Variants in MSH3 observed in about 807,000 individuals in gnomAD.
MSH3 encodes the protein mutS homolog 3.
MSH3 carries 106 observed loss-of-function variants against 123.3 expected under a neutral mutation model. That is an observed-to-expected ratio of 0.86 (90% confidence interval 0.73 to 1.01). The LOEUF is 1.01. Ranked by LOEUF, MSH3 falls within the 50% of genes least tolerant of loss-of-function variation. The pLI is 0.00. For missense variants in MSH3, 1,459 were observed against 1,347.6 expected (o/e 1.08, Z -1.29); for synonymous variants, 515 against 481.4 (o/e 1.07, Z -0.91).
intron 19 of MSH3, among the ~76,000 whole-genome samples, chr5:80,807,992 C>T (rs1023892925): frequency 6.6e-6 from 1 of 152,072 alleles, no homozygotes; most frequent in Admixed American, 6.6e-5. Flanking sequence ...ATTTGAGGAC[C>T]TGCTGTATTT....
intron 8 of MSH3, 97 bp downstream of exon 8, chr5:80,679,190 T>G (rs544144110): frequency 1.6e-6 from 2 of 1,287,348 alleles, no homozygotes; most frequent in Non-Finnish European, 2.2e-6. Context: ...TAGTTTTTAC[T>G]TACAAAAATT....
intron 19 of MSH3, among the ~76,000 whole-genome samples, chr5:80,801,236 T>C (rs899174004): frequency 6.6e-6 from 1 of 152,140 alleles, no homozygotes; most frequent in Non-Finnish European, 1.5e-5. Context: ...GGCTGCCCTA[T>C]GGAGAGTGGA....
At chr5:80,804,471 C>T (rs1744848352) in intron 19 of MSH3, among the ~76,000 whole-genome samples, 1 of 152,246 alleles carries the variant, frequency 6.6e-6, no homozygotes, top group African/African-American at 2.4e-5. Context: ...GTGGTCACTG[C>T]AGCTATGTCT....
chr5:80,831,076 A>G (rs937998103), intron 20 of MSH3, among the ~76,000 whole-genome samples: 2 of 152,218 alleles, frequency 1.3e-5, no homozygotes, highest in Non-Finnish European at 2.9e-5. Flanking sequence ...AACATCATAA[A>G]TCAAAAATGC....
intron 10 of MSH3, among the ~76,000 whole-genome samples, chr5:80,729,458 G>GTATATATATA (rs1250723529): frequency 2.5e-5 from 2 of 81,610 alleles, no homozygotes; most frequent in South Asian, 4.7e-4. Flanking sequence ...GTGTGTGTGT[G>GTATATATATA]TGTATATATA....
At chr5:80,834,297 TC>T (rs1745472159) in intron 20 of MSH3, among the ~76,000 whole-genome samples, 1 of 151,970 alleles carries the variant, frequency 6.6e-6, no homozygotes, top group South Asian at 2.1e-4. Flanking sequence ...CAAACATCAT[TC>T]ATTGTATCTA....
At chr5:80,699,772 G>A (rs1750568106) in intron 8 of MSH3, among the ~76,000 whole-genome samples, 2 of 151,936 alleles carry the variant, frequency 1.3e-5, no homozygotes, top group African/African-American at 4.8e-5. Flanking sequence ...ACTGTAAATT[G>A]ATTGAAGCAT....
chr5:80,697,944 C>T (rs184749844), intron 8 of MSH3, among the ~76,000 whole-genome samples: 16 of 152,238 alleles, frequency 1.1e-4, no homozygotes, highest in African/African-American at 3.9e-4. Context: ...GGGTCTCACT[C>T]TTCCTCAGGC....
intron 13 of MSH3, among the ~76,000 whole-genome samples, chr5:80,766,544 C>CATGTTGGT (rs1744127890): frequency 1.3e-5 from 2 of 151,856 alleles, no homozygotes; most frequent in South Asian, 4.2e-4. Context: ...GGGGTTTCAC[C>CATGTTGGT]ATGTTGGTAG....
chr5:80,742,233 C>T (rs1185515485), intron 11 of MSH3, among the ~76,000 whole-genome samples: 1 of 152,220 alleles, frequency 6.6e-6, no homozygotes, highest in East Asian at 1.9e-4. Context: ...TGGTCTCGAA[C>T]TGTTGACCTC....
intron 11 of MSH3, among the ~76,000 whole-genome samples, chr5:80,743,323 T>A (rs536629745): frequency 6.6e-6 from 1 of 152,164 alleles, no homozygotes; most frequent in Non-Finnish European, 1.5e-5. Context: ...GGAACCTTTG[T>A]GACCTTGTAC....
chr5:80,746,744 G>C (rs1444056062), intron 12 of MSH3: 2 of 394,018 alleles, frequency 5.1e-6, no homozygotes, highest in East Asian at 1.4e-4. Context: ...ACATGGTCTT[G>C]ATAGTCACAG....
At chr5:80,871,273 T>G (rs1746208947) in intron 22 of MSH3, among the ~76,000 whole-genome samples, 1 of 152,194 alleles carries the variant, frequency 6.6e-6, no homozygotes, top group South Asian at 2.1e-4. Flanking sequence ...ATTAGTTATC[T>G]CTATTAGTTT....
chr5:80,715,013 G>C (rs1750933474), intron 8 of MSH3, among the ~76,000 whole-genome samples: 1 of 152,148 alleles, frequency 6.6e-6, no homozygotes, highest in Non-Finnish European at 1.5e-5. Context: ...TGCCTGCCTA[G>C]GCTTGTAGTA....
At chr5:80,729,447 T>TGTGG in intron 10 of MSH3, among the ~76,000 whole-genome samples, 1 of 128,340 alleles carries the variant, frequency 7.8e-6, no homozygotes, top group African/African-American at 2.9e-5. Flanking sequence ...TGTGTGTGTG[T>TGTGG]GTGTGTGTGT....
At chr5:80,825,597 A>G (rs1287571734) in intron 20 of MSH3, among the ~76,000 whole-genome samples, 3 of 151,906 alleles carry the variant, frequency 2.0e-5, no homozygotes, top group Non-Finnish European at 2.9e-5. Context: ...GTTTTTCTCA[A>G]TCTAGGAGTG....
chr5:80,704,684 T>C (rs1005045483), intron 8 of MSH3, among the ~76,000 whole-genome samples: 5 of 152,230 alleles, frequency 3.3e-5, no homozygotes, highest in African/African-American at 1.2e-4. Flanking sequence ...TTGCAAACTT[T>C]TAGACCTTTT....
intron 10 of MSH3, among the ~76,000 whole-genome samples, chr5:80,729,483 G>T (rs1374506360): frequency 7.6e-6 from 1 of 131,584 alleles, no homozygotes. Flanking sequence ...TATATATAAA[G>T]AATTCTGTCA....
rs1561429127 is a variant in MSH3, at chr5:80,654,917, C to CAGCGGCCG, written c.190_191insAGCGGCCG (p.Pro64GlnfsTer19). Reference sequence around the variant, plus strand: ...AGCGGCCGCAGCGGCCGCAGCGCCCCCAGCGCCCCCAGCTCCCGCCTTCCC... The same window carrying CAGCGGCCG: ...AGCGGCCGCAGCGGCCGCAGCGCCCCAGCGGCCGCAGCGCCCCCAGCTCCCGCCTTCCC... On this transcript the variant is annotated frameshift_variant, in exon 1 of 24. Coordinates refer to ENST00000265081, the MANE Select transcript of MSH3 (RefSeq NM_002439.5). LOFTEE classifies it high-confidence loss of function. 4 of 1,439,262 alleles carry CAGCGGCCG rather than the reference C, an allele frequency of 2.8e-6. No individual in the cohort carries two copies. The African/African-American group carries it at 7.0e-5, about 25-fold the overall frequency. The allele number at this position is 1,439,262 out of a possible 1,614,324, so 89.2% of individuals were successfully genotyped here. A position where few individuals can be genotyped will look rare whatever the true frequency, so the allele number is the denominator to read the frequency against.
Sources: gnomAD v4.1 joint callset for allele counts (sites outside exome capture counted in the v4.1 genomes callset) on GRCh38, gnomAD v4.1.1 for gene constraint, MANE v1.5 for transcripts, NCBI Gene and HGNC (gene_info 2026-07-23, HGNC 2026-07-21) for gene names.